RHBG: variants seen among roughly 807,000 people sequenced by gnomAD.
RHBG encodes the protein ammonium transporter Rh type B.
RHBG carries 39 observed loss-of-function variants against 40.1 expected under a neutral mutation model. The ratio of observed to expected loss-of-function variants is 0.97; its 90% CI spans 0.75 to 1.27. The LOEUF is 1.27. Ranked by LOEUF, RHBG falls within the 50% of genes most tolerant of loss-of-function variation. RHBG has a pLI of 0.00. For missense variants in RHBG, 549 were observed against 588.1 expected (o/e 0.93, Z 0.69); for synonymous variants, 237 against 252.5 (o/e 0.94, Z 0.58).
intron 1 of RHBG, among the ~76,000 whole-genome samples, chr1:156,374,364 T>C (rs1036941284): frequency 1.2e-4 from 19 of 152,150 alleles, no homozygotes; most frequent in African/African-American, 1.9e-4. Context: ...TTAGATGTAA[T>C]TAACTGTAAT....
At chr1:156,383,771 C>G (rs1571022957) in intron 8 of RHBG, among the ~76,000 whole-genome samples, 1 of 151,556 alleles carries the variant, frequency 6.6e-6, no homozygotes, top group Non-Finnish European at 1.5e-5. Context: ...TCGTGATCCG[C>G]CCGCCTCGGC....
At chr1:156,375,998 A>C (rs2101771705) in intron 1 of RHBG, among the ~76,000 whole-genome samples, 1 of 152,160 alleles carries the variant, frequency 6.6e-6, no homozygotes, top group East Asian at 1.9e-4. Context: ...TTCCCTACTC[A>C]GCCTTTAAAG....
At chr1:156,374,623 G>A (rs1055622048) in intron 1 of RHBG, 1 of 375,686 alleles carries the variant, frequency 2.7e-6, no homozygotes, top group African/African-American at 2.5e-5. Flanking sequence ...TTTCGCTCTT[G>A]TTGCCCAGGC....
intron 8 of RHBG, 72 bp downstream of exon 8, chr1:156,382,941 T>C (rs1667767070): frequency 8.1e-6 from 13 of 1,595,710 alleles, no homozygotes; most frequent in South Asian, 1.1e-5. Context: ...CATTCACTCA[T>C]AGATATTTAT....
intron 4 of RHBG, among the ~76,000 whole-genome samples, chr1:156,378,989 T>G (rs57409696): frequency 0.26 from 38,415 of 150,574 alleles, 5,339 homozygotes; most frequent in East Asian, 0.55. Context: ...ACCTGCTGCT[T>G]CTTCTTCTTT....
chr1:156,369,907 G>A (rs184765463), intron 1 of RHBG, among the ~76,000 whole-genome samples: 364 of 152,200 alleles, frequency 2.4e-3, no homozygotes, highest in Non-Finnish European at 3.5e-3. Flanking sequence ...GGTTGTGAGC[G>A]GTCATAATGG....
intron 8 of RHBG, chr1:156,384,311 G>C (rs970460522): frequency 3.1e-6 from 2 of 635,992 alleles, no homozygotes; most frequent in South Asian, 3.5e-5. Context: ...GGCCTTGCAG[G>C]GTTGTTGTGA....
intron 8 of RHBG, 166 bp from the exon 9 acceptor site, chr1:156,384,361 G>T: frequency 1.4e-6 from 1 of 725,536 alleles, no homozygotes. Flanking sequence ...CTTTGCACAG[G>T]GCCTGGCACA....
At chr1:156,369,630 A>G (rs1051088532) in intron 1 of RHBG, among the ~76,000 whole-genome samples, 194 bp downstream of exon 1, 2 of 152,136 alleles carry the variant, frequency 1.3e-5, no homozygotes, top group Admixed American at 6.6e-5. Context: ...GTGCTGATAC[A>G]TATGCCTTAT....
intron 1 of RHBG, among the ~76,000 whole-genome samples, chr1:156,370,228 C>T (rs1666746794): frequency 6.6e-6 from 1 of 152,090 alleles, no homozygotes; most frequent in Admixed American, 6.5e-5. Flanking sequence ...GTGGGTGGAT[C>T]ACGAGGTCAG....
At chr1:156,383,109 G>A (rs1431973792) in intron 8 of RHBG, among the ~76,000 whole-genome samples, 1 of 152,184 alleles carries the variant, frequency 6.6e-6, no homozygotes, top group Admixed American at 6.5e-5. Flanking sequence ...TCTCTTATGG[G>A]TCTATGCTTG....
intron 1 of RHBG, chr1:156,371,394 A>T (rs1275162537): frequency 3.3e-6 from 1 of 304,768 alleles, no homozygotes; most frequent in Non-Finnish European, 6.4e-6. Flanking sequence ...TCCTGACCTC[A>T]GGTGATCCAC....
intron 1 of RHBG, among the ~76,000 whole-genome samples, chr1:156,376,272 T>C (rs74229292): frequency 0.013 from 1,906 of 152,300 alleles, 19 homozygotes; most frequent in Non-Finnish European, 0.02. Flanking sequence ...ATCATTTGCA[T>C]TGAAGTTGTG....
intron 8 of RHBG, among the ~76,000 whole-genome samples, chr1:156,383,184 G>A (rs1667790414): frequency 6.6e-6 from 1 of 152,230 alleles, no homozygotes; most frequent in African/African-American, 2.4e-5. Context: ...AGAAGGGGAT[G>A]GCTGCGCCAT....
intron 4 of RHBG, among the ~76,000 whole-genome samples, chr1:156,380,112 CTTTTTTT>C (rs67037881): frequency 3.1e-5 from 4 of 130,132 alleles, no homozygotes; most frequent in Non-Finnish European, 4.8e-5. Context: ...CTTTCTTTTT[CTTTTTTT>C]TTTTTTTTTG....
chr1:156,381,536 G>A (rs1667638823), intron 5 of RHBG, 23 bp downstream of exon 5: 1 of 1,584,282 alleles, frequency 6.3e-7, no homozygotes, highest in Non-Finnish European at 8.6e-7. Context: ...GGACTTCAGA[G>A]AGGCAGAGGG....
At chr1:156,370,461 A>AAC (rs1398903058) in intron 1 of RHBG, among the ~76,000 whole-genome samples, 1 of 150,082 alleles carries the variant, frequency 6.7e-6, no homozygotes, top group Non-Finnish European at 1.5e-5. Flanking sequence ...GAAAAAAAAA[A>AAC]ATTAGCCGAG....
intron 5 of RHBG, 88 bp downstream of exon 5, chr1:156,381,601 G>T: frequency 1.3e-6 from 2 of 1,489,936 alleles, no homozygotes; most frequent in Non-Finnish European, 1.8e-6. Context: ...ATTCTCCCGG[G>T]GAACAGATAA....
In RHBG at chr1:156,377,210, A is replaced by G. The variant is rs951500045; in HGVS notation, c.188-91A>G. The G allele has an allele frequency of 5.7e-6, 8 of 1,393,340 alleles. No individual in the cohort carries two copies. Among genetic ancestry groups the G allele is most frequent in the Admixed American group, 1.9e-5 (1 of 53,278 alleles). The allele number at this position is 1,393,340 out of a possible 1,614,324, so 86.3% of individuals were successfully genotyped here. The stretch of plus-strand genomic sequence containing the variant: ...CGGCTCAAGGCAGCCCTGGCTGGTG[A>G]GAGCCAGGGGCACTGGCAGGGTAGC... On this transcript the variant is annotated intron_variant, in intron 1 of 9. Coordinates refer to ENST00000537040, the MANE Select transcript of RHBG (RefSeq NM_020407.5). The surrounding 1 kb of genome is among the most constrained non-coding windows in gnomAD (Gnocchi z 4.6).
Sources: allele counts gnomAD v4.1 joint callset (sites outside exome capture counted in the v4.1 genomes callset), GRCh38; gene constraint gnomAD v4.1.1; non-coding constraint Gnocchi (gnomAD v3.1); transcripts MANE v1.5; gene names NCBI Gene and HGNC (gene_info 2026-07-23, HGNC 2026-07-21).